PPP2R5E: variants seen among roughly 807,000 people sequenced by gnomAD.
PPP2R5E encodes the protein protein phosphatase 2 regulatory subunit B'epsilon.
A neutral mutation model predicts 65.3 loss-of-function variants in PPP2R5E; 4 were observed. That is an observed-to-expected ratio of 0.06 (90% confidence interval 0.03 to 0.14). The LOEUF (loss-of-function observed/expected upper bound fraction) is 0.14. PPP2R5E is among the 10% of genes least tolerant of loss of function. PPP2R5E has a pLI of 1.00. For synonymous variants in PPP2R5E, 183 were observed against 187.4 expected, an observed-to-expected ratio of 0.98 and a Z score of 0.19; for missense variants, 274 against 556.1, an observed-to-expected ratio of 0.49 and a Z score of 5.10.
At chr14:63,532,364 C>T (rs1484080486) in intron 2 of PPP2R5E, among the ~76,000 whole-genome samples, 1 of 152,108 alleles carries the variant, frequency 6.6e-6, no homozygotes, top group East Asian at 1.9e-4. Context: ...CACTAAATAA[C>T]ATGGCAAGAT....
chr14:63,407,394 T>C (rs1159490597), intron 5 of PPP2R5E, among the ~76,000 whole-genome samples: 1 of 152,156 alleles, frequency 6.6e-6, no homozygotes, highest in East Asian at 1.9e-4. Flanking sequence ...AAGCAACGAA[T>C]ACTGGGCATA....
intron 3 of PPP2R5E, among the ~76,000 whole-genome samples, chr14:63,434,746 T>C (rs1293771793): frequency 6.6e-6 from 1 of 152,204 alleles, no homozygotes; most frequent in African/African-American, 2.4e-5. Context: ...ACCTCCCCAT[T>C]CTTTCAAGAA....
chr14:63,540,241 G>A (rs1893837500), intron 1 of PPP2R5E, among the ~76,000 whole-genome samples: 1 of 151,780 alleles, frequency 6.6e-6, no homozygotes, highest in African/African-American at 2.4e-5. Flanking sequence ...GACTAGCCTG[G>A]CCAACATGGT....
At chr14:63,542,399 G>A (rs1348541938) in intron 1 of PPP2R5E, among the ~76,000 whole-genome samples, 2 of 151,944 alleles carry the variant, frequency 1.3e-5, no homozygotes, top group Non-Finnish European at 2.9e-5. Flanking sequence ...TTTGTCTGTG[G>A]GGATGCTTAC....
At chr14:63,377,377 T>A (rs1052023563) in intron 13 of PPP2R5E, among the ~76,000 whole-genome samples, 31 of 152,172 alleles carry the variant, frequency 2.0e-4, no homozygotes, top group Admixed American at 9.2e-4. Context: ...TCATTTTTTT[T>A]AAAACATTAT....
At chr14:63,381,653 A>G (rs1174011624) in intron 13 of PPP2R5E, among the ~76,000 whole-genome samples, 1 of 152,244 alleles carries the variant, frequency 6.6e-6, no homozygotes, top group African/African-American at 2.4e-5. Context: ...TGTGCCAAAT[A>G]ACAACATTTC....
At position 63,453,769 on chromosome 14, in the gene PPP2R5E, T is replaced by C. The variant is rs1204903966; in HGVS notation, c.274A>G (p.Thr92Ala). The part of the protein sequence containing the change: ...DLKMKEYKRS[T>A]LNELVDYITI... ...ATGTAGTCCACCAGTTCATTAAGAG[T>C]GGAGCGCTTGTATTCTTTCATTTTA... Residue 92 changes from threonine (T) to alanine (A), a missense_variant, in exon 3 of 14, where the codon ACT (threonine) becomes GCT (alanine). Coordinates refer to ENST00000337537, the MANE Select transcript of PPP2R5E (RefSeq NM_006246.5). The C allele has an allele frequency of 1.2e-6, 2 of 1,612,606 alleles. No homozygotes were observed. The highest frequency in any genetic ancestry group is 1.3e-5 in the African/African-American group (1 of 74,756).
chr14:63,470,781 T>C (rs1236229526), intron 2 of PPP2R5E, among the ~76,000 whole-genome samples: 1 of 150,320 alleles, frequency 6.7e-6, no homozygotes, highest in East Asian at 2.0e-4. Flanking sequence ...CCCAACACTT[T>C]TGGAGGTTGA....
At chr14:63,498,327 A>G (rs558484707) in intron 2 of PPP2R5E, among the ~76,000 whole-genome samples, 1 of 152,298 alleles carries the variant, frequency 6.6e-6, no homozygotes, top group Non-Finnish European at 1.5e-5. Context: ...GTATACTATC[A>G]GGTTGACCTC....
At chr14:63,431,968 T>G (rs1004253261) in intron 3 of PPP2R5E, among the ~76,000 whole-genome samples, 2 of 151,724 alleles carry the variant, frequency 1.3e-5, no homozygotes, top group Non-Finnish European at 2.9e-5. Context: ...TAAATATGAT[T>G]CCTGAAATGA....
At chr14:63,462,056 G>A (rs555425077) in intron 2 of PPP2R5E, among the ~76,000 whole-genome samples, 107 of 149,532 alleles carry the variant, frequency 7.2e-4, no homozygotes, top group African/African-American at 2.6e-3. Flanking sequence ...TGTAATGACA[G>A]TACCGATTTC....
intron 2 of PPP2R5E, among the ~76,000 whole-genome samples, chr14:63,476,854 C>A (rs1468967485): frequency 6.6e-6 from 1 of 152,096 alleles, no homozygotes; most frequent in Non-Finnish European, 1.5e-5. Context: ...GAATAAGAAG[C>A]TACTTTATTA....
Position 63,384,481 on chromosome 14 carries a change from A to G in PPP2R5E, c.1165T>C (p.Ser389Pro). ...TCTTTTGAAATCCTATAAAGGCTGG[A>G]AAACATGATGGGAAGGATGACGTTA... is the stretch of plus-strand genomic sequence containing the variant. ...NSNVILPIMF[S>P]SLYRISKEHW... is the part of the protein sequence containing the mutation. The change falls in exon 12 of 14, where the codon TCC becomes CCC. Residue 389 changes from serine (S) to proline (P), a missense_variant. Coordinates refer to ENST00000337537, the MANE Select transcript of PPP2R5E (RefSeq NM_006246.5). 1 of 1,613,920 alleles carries G rather than the reference A, an allele frequency of 6.2e-7. No homozygotes were observed. Among genetic ancestry groups the G allele is most frequent in the South Asian group, 1.1e-5 (1 of 91,076 alleles).
chr14:63,387,716 A>G (rs1305300792), intron 11 of PPP2R5E, among the ~76,000 whole-genome samples: 1 of 151,750 alleles, frequency 6.6e-6, no homozygotes, highest in Non-Finnish European at 1.5e-5. Context: ...CACAATTCAT[A>G]TGTTGAAGTC....
chr14:63,495,093 C>A lies in PPP2R5E; in HGVS notation c.158-41208G>T, dbSNP rs1004905210. Among the ~76,000 whole-genome samples, 4 of 151,376 alleles carry A rather than the reference C, an allele frequency of 2.6e-5. 1 individual carries two copies. Among genetic ancestry groups the A allele is most frequent in the Non-Finnish European group, 2.9e-5 (2 of 67,896 alleles). On this transcript the variant is annotated intron_variant, in intron 2 of 13. Transcript: ENST00000337537. ...AGGCATGCACCAGTAATCCCAGCTACTTGGGAGGCTGAGGCAGGACAATCA... is the reference window on the plus strand; with the variant it reads ...AGGCATGCACCAGTAATCCCAGCTAATTGGGAGGCTGAGGCAGGACAATCA...
At position 63,374,114 on chromosome 14, in the gene PPP2R5E, C is replaced by T. The variant is rs1376061662; in HGVS notation, c.*1895G>A. 7.6e-5 allele frequency: 11 copies of T among 143,960 alleles called. No homozygotes were observed. The highest frequency in any genetic ancestry group is 2.8e-4 in the African/African-American group (11 of 38,932). 8.9% of individuals were successfully genotyped at this position (143,960 alleles called of 1,614,324 possible). A position where few individuals can be genotyped will look rare whatever the true frequency, so the allele number is the denominator to read the frequency against. On this transcript the variant is annotated 3_prime_UTR_variant, in exon 14 of 14. Coordinates refer to ENST00000337537, the MANE Select transcript of PPP2R5E (RefSeq NM_006246.5). ...TTTTTTCTTTTTGGAATTAACAATG[C>T]CAGTTTTGTTTGTTTTTTTACAAAG...
chr14:63,484,334 T>TTC (rs1322678985), intron 2 of PPP2R5E, among the ~76,000 whole-genome samples: 1,795 of 125,224 alleles, frequency 0.014, 29 homozygotes, highest in African/African-American at 0.046. Context: ...TTCTTTCTCT[T>TTC]TCTCTCTCTC....
At chr14:63,512,100 AAAAAG>A in intron 2 of PPP2R5E, among the ~76,000 whole-genome samples, 1 of 151,402 alleles carries the variant, frequency 6.6e-6, no homozygotes. Flanking sequence ...AAAAAAAAAA[AAAAAG>A]AATCTCAGAA....
At chr14:63,440,862 T>C (rs1888197732) in intron 3 of PPP2R5E, among the ~76,000 whole-genome samples, 1 of 144,184 alleles carries the variant, frequency 6.9e-6, no homozygotes, top group African/African-American at 2.6e-5. Context: ...GGCAGGAGAA[T>C]GGCGTGAGCC....
Sources: gnomAD v4.1 joint callset for allele counts (sites outside exome capture counted in the v4.1 genomes callset) on GRCh38, gnomAD v4.1.1 for gene constraint, MANE v1.5 for transcripts, NCBI Gene and HGNC (gene_info 2026-07-23, HGNC 2026-07-21) for gene names.